CTDSP2: variants seen among roughly 807,000 people sequenced by gnomAD.
The protein encoded by CTDSP2 is carboxy-terminal domain RNA polymerase II polypeptide A small phosphatase 2.
Under a neutral mutation model 31.6 loss-of-function variants are expected in CTDSP2, and 9 were observed. The ratio of observed to expected loss-of-function variants is 0.28; its 90% CI spans 0.17 to 0.50. The LOEUF is 0.50. Ranked by LOEUF, CTDSP2 falls within the 20% of genes least tolerant of loss-of-function variation. The pLI is 0.98. For synonymous variants in CTDSP2, 134 were observed against 134.5 expected (o/e 1.00, Z 0.03); for missense variants, 267 against 348.5 (o/e 0.77, Z 1.86).
intron 1 of CTDSP2, among the ~76,000 whole-genome samples, chr12:57,843,815 G>T (rs993819851): frequency 6.6e-6 from 1 of 152,220 alleles, no homozygotes; most frequent in Admixed American, 6.5e-5. Context: ...GTTTGTAAAT[G>T]ATGTGGGACT....
At chr12:57,833,594 C>CTTG (rs1956229654) in intron 1 of CTDSP2, among the ~76,000 whole-genome samples, 1 of 152,220 alleles carries the variant, frequency 6.6e-6, no homozygotes, top group Non-Finnish European at 1.5e-5. Context: ...CTACAATGGC[C>CTTG]CCAACCCAGT....
At chr12:57,837,340 A>G (rs1956254194) in intron 1 of CTDSP2, 1 of 151,958 alleles carries the variant, frequency 6.6e-6, no homozygotes, top group Non-Finnish European at 1.5e-5. Flanking sequence ...TACAGCTAAC[A>G]AGCAAGGCAG....
intron 1 of CTDSP2, among the ~76,000 whole-genome samples, chr12:57,841,172 C>G (rs1013380365): frequency 6.6e-6 from 1 of 152,204 alleles, no homozygotes; most frequent in Non-Finnish European, 1.5e-5. Context: ...CCCAATCCCA[C>G]GTCCCAAAGA....
At position 57,822,054 on chromosome 12, in the gene CTDSP2, A is replaced by T. The variant is rs1595183576; in HGVS notation, c.*1548T>A. On this transcript the variant is annotated 3_prime_UTR_variant, in exon 8 of 8. Coordinates refer to ENST00000398073, the MANE Select transcript of CTDSP2 (RefSeq NM_005730.4). ...AAGCAATTCACAAATGCTTTGTGAT[A>T]CCTGCCTCCAGGGAACACAGAGATG... 6.6e-6 allele frequency: 1 copy of T among 152,130 alleles called. No individual in the cohort carries two copies. The highest frequency in any genetic ancestry group is 6.6e-5 in the Admixed American group (1 of 15,260). 9.4% of individuals were successfully genotyped at this position (152,130 alleles called of 1,614,324 possible).
At chr12:57,843,069 C>T (rs909268272) in intron 1 of CTDSP2, among the ~76,000 whole-genome samples, 2 of 152,112 alleles carry the variant, frequency 1.3e-5, no homozygotes, top group African/African-American at 2.4e-5. Context: ...AGGGCATCAT[C>T]GAGAGGAAGG....
chr12:57,837,598 C>T (rs779351864), intron 1 of CTDSP2, among the ~76,000 whole-genome samples: 1 of 151,832 alleles, frequency 6.6e-6, no homozygotes, highest in Middle Eastern at 3.4e-3. Context: ...GGCTGAGGCA[C>T]GAGAATCACT....
chr12:57,832,222 T>C (rs1409258132), intron 1 of CTDSP2, among the ~76,000 whole-genome samples: 1 of 152,222 alleles, frequency 6.6e-6, no homozygotes, highest in Non-Finnish European at 1.5e-5. Context: ...AGAAAATGAC[T>C]GGGGCTTTCC....
chr12:57,845,820 C>T (rs1956312085), intron 1 of CTDSP2, among the ~76,000 whole-genome samples: 1 of 152,140 alleles, frequency 6.6e-6, no homozygotes, highest in Non-Finnish European at 1.5e-5. Flanking sequence ...GCCCCTCCCC[C>T]ACCGCGACCG....
intron 1 of CTDSP2, among the ~76,000 whole-genome samples, chr12:57,841,262 T>G (rs1477883067): frequency 3.3e-5 from 5 of 152,136 alleles, no homozygotes; most frequent in Non-Finnish European, 7.3e-5. Flanking sequence ...CTTTTGTACT[T>G]TCTCAATGTT....
chr12:57,824,715 G>A (rs756614635), intron 5 of CTDSP2: 3 of 533,590 alleles, frequency 5.6e-6, no homozygotes, highest in South Asian at 4.2e-5. Flanking sequence ...TTCTGTCCTT[G>A]GCTCCGACAG....
chr12:57,824,600 C>T (rs745548820), intron 5 of CTDSP2: 8 of 616,136 alleles, frequency 1.3e-5, no homozygotes, highest in Admixed American at 3.7e-5. Context: ...TTTCCGGCGG[C>T]GGACCATCAG....
Position 57,820,091 on chromosome 12 carries a change from G to T in CTDSP2, c.*3511C>A, listed in dbSNP as rs367991819. 3 of 152,554 alleles carry T rather than the reference G, an allele frequency of 2.0e-5. No individual in the cohort carries two copies. Among genetic ancestry groups the T allele is most frequent in the African/African-American group, 7.2e-5 (3 of 41,386 alleles). The allele number at this position is 152,554 out of a possible 1,614,324, so 9.5% of individuals were successfully genotyped here. A position where few individuals can be genotyped will look rare whatever the true frequency, so the allele number is the denominator to read the frequency against. On this transcript the variant is annotated 3_prime_UTR_variant, in exon 8 of 8. Coordinates refer to ENST00000398073, the MANE Select transcript of CTDSP2 (RefSeq NM_005730.4). Reference sequence around the variant, plus strand: ...TAAGCAAGGTAGTCAGAATCCCATAGCCCAGTCACAGTGGGAAGCAGATCC... The same window carrying T: ...TAAGCAAGGTAGTCAGAATCCCATATCCCAGTCACAGTGGGAAGCAGATCC...
At chr12:57,840,903 G>A (rs953409900) in intron 1 of CTDSP2, among the ~76,000 whole-genome samples, 13 of 152,114 alleles carry the variant, frequency 8.5e-5, no homozygotes, top group African/African-American at 2.9e-4. Context: ...AGGCTGTGGC[G>A]CTCACTGGAG....
intron 1 of CTDSP2, among the ~76,000 whole-genome samples, chr12:57,840,974 CCAGA>C (rs1380255361): frequency 3.3e-5 from 5 of 152,178 alleles, no homozygotes; most frequent in South Asian, 2.1e-4. Flanking sequence ...GGGCATTTTG[CCAGA>C]CAAAGAAACT....
intron 7 of CTDSP2, 43 bp from the exon 8 acceptor site, chr12:57,823,770 T>TC: frequency 6.2e-7 from 1 of 1,612,166 alleles, no homozygotes; most frequent in South Asian, 1.1e-5. Flanking sequence ...GACTGCTGCT[T>TC]CCCCCTCCCT....
chr12:57,836,708 G>C (rs1956249938), intron 1 of CTDSP2, among the ~76,000 whole-genome samples: 1 of 151,908 alleles, frequency 6.6e-6, no homozygotes, highest in Non-Finnish European at 1.5e-5. Flanking sequence ...ACGAAGACCA[G>C]AGTGACCAGG....
At chr12:57,829,727 C>G in intron 1 of CTDSP2, 131 bp from the exon 2 acceptor site, 1 of 677,642 alleles carries the variant, frequency 1.5e-6, no homozygotes, top group Non-Finnish European at 2.5e-6. Flanking sequence ...GGTGAACAAC[C>G]ACATACAGTT....
intron 1 of CTDSP2, among the ~76,000 whole-genome samples, chr12:57,840,910 G>A (rs1189095446): frequency 6.6e-6 from 1 of 152,108 alleles, no homozygotes; most frequent in Non-Finnish European, 1.5e-5. Flanking sequence ...GGCGCTCACT[G>A]GAGTACCCTG....
intron 1 of CTDSP2, among the ~76,000 whole-genome samples, chr12:57,837,779 G>A (rs1316706901): frequency 2.6e-5 from 4 of 152,228 alleles, no homozygotes; most frequent in South Asian, 2.1e-4. Flanking sequence ...TTGTATGCTG[G>A]TGCCCTCTCT....
Sources: gnomAD v4.1 joint callset for allele counts (sites outside exome capture counted in the v4.1 genomes callset) on GRCh38, gnomAD v4.1.1 for gene constraint, MANE v1.5 for transcripts, NCBI Gene and HGNC (gene_info 2026-07-23, HGNC 2026-07-21) for gene names.